PDZD2: variants seen among roughly 807,000 people sequenced by gnomAD.
PDZD2 encodes PDZ domain-containing protein 2.
Under a neutral mutation model 220.7 loss-of-function variants are expected in PDZD2, and 90 were observed. The observed-to-expected ratio is 0.41, with a 90% CI of 0.34 to 0.49. The LOEUF is 0.49. PDZD2 is among the 20% of genes least tolerant of loss of function. The pLI, the probability that PDZD2 is intolerant of heterozygous loss-of-function variation, is 0.28. For synonymous variants in PDZD2, 1,375 were observed against 1,450.5 expected, an observed-to-expected ratio of 0.95 and a Z score of 1.18; for missense variants, 3,174 against 3,608.5, an observed-to-expected ratio of 0.88 and a Z score of 3.08.
chr5:31,911,578 T>G (rs2150368848), intron 2 of PDZD2, among the ~76,000 whole-genome samples: 1 of 152,362 alleles, frequency 6.6e-6, no homozygotes, highest in East Asian at 1.9e-4. Flanking sequence ...TGGCAGGACT[T>G]CTGGCTGCAA....
intron 2 of PDZD2, among the ~76,000 whole-genome samples, chr5:31,881,340 G>A (rs901041357): frequency 0.042 from 5,741 of 135,350 alleles, 411 homozygotes; most frequent in African/African-American, 0.17. Context: ...GTGTGTGTGT[G>A]TGTGTGTGTG....
chr5:31,792,496 G>A (rs1753783470), intron 1 of PDZD2, among the ~76,000 whole-genome samples: 1 of 152,132 alleles, frequency 6.6e-6, no homozygotes, highest in African/African-American at 2.4e-5. Flanking sequence ...TCAGCTCACT[G>A]CAACCTCTGC....
chr5:31,788,809 A>G (rs1196378682), intron 1 of PDZD2, among the ~76,000 whole-genome samples: 1 of 152,218 alleles, frequency 6.6e-6, no homozygotes, highest in East Asian at 1.9e-4. Flanking sequence ...CTGCACAACT[A>G]TGCTAATGTA....
chr5:31,959,435 T>G (rs994668668), intron 2 of PDZD2, among the ~76,000 whole-genome samples: 1 of 151,816 alleles, frequency 6.6e-6, no homozygotes, highest in Non-Finnish European at 1.5e-5. Flanking sequence ...CTCAGCTCAC[T>G]GCAACCTCCT....
intron 2 of PDZD2, among the ~76,000 whole-genome samples, chr5:31,833,002 C>T (rs1756713223): frequency 1.3e-5 from 2 of 152,108 alleles, no homozygotes; most frequent in Admixed American, 6.5e-5. Context: ...CAGGCCTGAC[C>T]AACCCACTGC....
chr5:32,096,031 C>A (rs1743653548), intron 21 of PDZD2, among the ~76,000 whole-genome samples: 1 of 151,976 alleles, frequency 6.6e-6, no homozygotes, highest in African/African-American at 2.4e-5. Flanking sequence ...GCGTGAGCCA[C>A]CGCACCCGGC....
At chr5:31,782,707 A>ATTTT (rs34166035) in intron 1 of PDZD2, among the ~76,000 whole-genome samples, 24 of 96,494 alleles carry the variant, frequency 2.5e-4, no homozygotes, top group African/African-American at 7.0e-4. Flanking sequence ...ACCACTTTAG[A>ATTTT]TTTTTTTTTT....
At chr5:32,099,013 T>C (rs1349093859) in intron 23 of PDZD2, among the ~76,000 whole-genome samples, 1 of 152,160 alleles carries the variant, frequency 6.6e-6, no homozygotes, top group Non-Finnish European at 1.5e-5. Context: ...CTAAGATTTA[T>C]CCTTGGGAAA....
chr5:31,825,526 G>A (rs1252493093), intron 2 of PDZD2, among the ~76,000 whole-genome samples: 1 of 152,226 alleles, frequency 6.6e-6, no homozygotes, highest in East Asian at 1.9e-4. Flanking sequence ...TGCTGTGGGT[G>A]ACAAATCAGA....
At chr5:32,010,084 C>CAAAAAA (rs57019948) in intron 5 of PDZD2, among the ~76,000 whole-genome samples, 2 of 131,992 alleles carry the variant, frequency 1.5e-5, no homozygotes, top group African/African-American at 6.3e-5. Flanking sequence ...AAGACTGTCT[C>CAAAAAA]AAAAAAAAGA....
chr5:32,072,276 G>A lies in PDZD2; in HGVS notation c.2684G>A (p.Cys895Tyr), dbSNP rs775506180. 6.2e-7 allele frequency: 1 copy of A among 1,614,094 alleles called. No homozygotes were observed. The highest frequency in any genetic ancestry group is 1.7e-5 in the Admixed American group (1 of 60,022). ...GACGAGGATCACCCGGGAAGTGGCTGCAGCACGTCGGAGGAGGGCAGCCTG... is the reference window on the plus strand; with the variant it reads ...GACGAGGATCACCCGGGAAGTGGCTACAGCACGTCGGAGGAGGGCAGCCTG... ...SEDEDHPGSG[C>Y]STSEEGSLPP... Residue 895 changes from cysteine (C) to tyrosine (Y), a missense_variant, in exon 17 of 25, where the codon TGC becomes TAC. Physicochemically the swap from Cys to Tyr is radical, Grantham distance 194 (BLOSUM62 -2). Around this residue, in one of 4 missense-constraint regions of PDZD2, gnomAD observed 1,861 missense variants for 2,001.0 expected, o/e 0.93. Transcript: ENST00000438447.
chr5:32,052,535 G>T, intron 8 of PDZD2, 76 bp from the exon 9 acceptor site: 1 of 1,329,196 alleles, frequency 7.5e-7, no homozygotes, highest in South Asian at 1.2e-5. Flanking sequence ...TTCAAAGTCT[G>T]AGTGTATTTT....
chr5:32,088,793 A>G lies in PDZD2; in HGVS notation c.5345A>G (p.Asp1782Gly), dbSNP rs754839788. The G allele has an allele frequency of 1.2e-6, 2 of 1,613,844 alleles. No homozygotes were observed. Among genetic ancestry groups the G allele is most frequent in the South Asian group, 1.1e-5 (1 of 91,064 alleles). ...LENLHISESQDLDDLLQKPKM... is the reference protein window; with the variant it reads ...LENLHISESQGLDDLLQKPKM... Reference sequence around the variant, plus strand: ...AACCTCCACATCTCTGAAAGTCAAGACCTGGATGACTTGCTACAGAAACCA... The same window carrying G: ...AACCTCCACATCTCTGAAAGTCAAGGCCTGGATGACTTGCTACAGAAACCA... Residue 1782 changes from aspartate to glycine, a missense_variant, in exon 20 of 25, where the codon GAC (aspartate) becomes GGC (glycine). Asp to Gly is a moderately conservative substitution (Grantham distance 94, BLOSUM62 -1). Around this residue, in one of 4 missense-constraint regions of PDZD2, gnomAD observed 1,861 missense variants for 2,001.0 expected, o/e 0.93. Coordinates refer to ENST00000438447, the MANE Select transcript of PDZD2 (RefSeq NM_178140.4). This position sits in a 1 kb window ranked among gnomAD's most constrained non-coding sequence, Gnocchi z 4.6.
In PDZD2 at chr5:32,089,531, C is replaced by T. The variant is rs376494246; in HGVS notation, c.6083C>T (p.Ala2028Val). Residue 2028 changes from alanine (A) to valine (V), a missense_variant, in exon 20 of 25, where the codon GCG (alanine) becomes GTG (valine). Ala to Val is a moderately conservative substitution (Grantham distance 64, BLOSUM62 0). Around this residue, in one of 4 missense-constraint regions of PDZD2, gnomAD observed 1,861 missense variants for 2,001.0 expected, o/e 0.93. Coordinates refer to ENST00000438447, the MANE Select transcript of PDZD2 (RefSeq NM_178140.4). ...KSPKCRAEGR[A>V]PRADSGPVSP... is the part of the protein sequence containing the mutation. ...CCTAAGTGTAGAGCAGAGGGCAGGG[C>T]GCCCCGTGCTGACTCCGGGCCGGTG... 1.1e-5 allele frequency: 18 copies of T among 1,612,048 alleles called. No individual in the cohort carries two copies. The highest frequency in any genetic ancestry group is 1.6e-4 in the Middle Eastern group (1 of 6,084).
At chr5:31,669,416 A>T (rs1028214748) in intron 1 of PDZD2, among the ~76,000 whole-genome samples, 54 of 151,662 alleles carry the variant, frequency 3.6e-4, no homozygotes, top group Non-Finnish European at 6.6e-4. Flanking sequence ...AAAAAAAAAA[A>T]AAAAAAATAA....
intron 1 of PDZD2, among the ~76,000 whole-genome samples, chr5:31,640,466 G>GCA (rs1744907333): frequency 1.3e-5 from 2 of 152,236 alleles, no homozygotes; most frequent in African/African-American, 4.8e-5. Context: ...AGGGTAGGTG[G>GCA]ATATGTTTGC....
chr5:32,010,464 C>A lies in PDZD2; in HGVS notation c.1389C>A (p.Ser463Arg), dbSNP rs759196442. 8 of 1,612,294 alleles carry A rather than the reference C, an allele frequency of 5.0e-6. No individual in the cohort carries two copies. In the East Asian group the frequency reaches 1.6e-4, roughly 31 times the overall value. Reference sequence around the variant, plus strand: ...ACGGGGAAGAGGACGAAGGAACCAGCTCTTCTGTCCAGAGAGCAGTAAGTG... The same window carrying A: ...ACGGGGAAGAGGACGAAGGAACCAGATCTTCTGTCCAGAGAGCAGTAAGTG... ...EADGEEDEGT[S>R]SSVQRAMPGT... The change falls in exon 6 of 25, where the codon AGC becomes AGA. Residue 463 changes from serine to arginine, a missense_variant. Physicochemically the swap from Ser to Arg is moderately radical, Grantham distance 110. Coordinates refer to ENST00000438447, the MANE Select transcript of PDZD2 (RefSeq NM_178140.4).
intron 1 of PDZD2, among the ~76,000 whole-genome samples, chr5:31,734,250 C>A (rs556382264): frequency 1.3e-5 from 2 of 152,224 alleles, no homozygotes; most frequent in East Asian, 3.9e-4. Flanking sequence ...GTGTTCCACT[C>A]TCCTAAAAAA....
rs80050965 is a variant in PDZD2 at position 31,736,619 on chromosome 5, T to C, written c.-360-62270T>C. ...GCACTGGTTAATTGCCTTATTTTAT[T>C]GGCGAGGGGAAGTGGCTTGCCAAAT... On this transcript the variant is annotated intron_variant, in intron 1 of 24. Transcript: ENST00000438447. 1.4e-3 allele frequency among the ~76,000 whole-genome samples: 213 copies of C among 152,360 alleles called. 6 individuals are homozygous for C. In the East Asian group the frequency reaches 0.038, roughly 27 times the overall value.
Sources: allele counts gnomAD v4.1 joint callset (sites outside exome capture counted in the v4.1 genomes callset), GRCh38; gene constraint gnomAD v4.1.1; regional missense constraint gnomAD v4.1.1; non-coding constraint Gnocchi (gnomAD v3.1); transcripts MANE v1.5; gene names NCBI Gene and HGNC (gene_info 2026-07-23, HGNC 2026-07-21).